ETNK1: variants seen among roughly 807,000 people sequenced by gnomAD.
The protein encoded by ETNK1 is ethanolamine kinase 1.
A neutral mutation model predicts 45.1 loss-of-function variants in ETNK1; 8 were observed. The ratio of observed to expected loss-of-function variants is 0.18; its 90% CI spans 0.10 to 0.32. The LOEUF (loss-of-function observed/expected upper bound fraction) is 0.32. ETNK1 is among the 10% of genes least tolerant of loss of function. ETNK1 has a pLI of 1.00. For synonymous variants in ETNK1, 152 were observed against 151.9 expected (o/e 1.00, Z -0.01); for missense variants, 302 against 430.6 (o/e 0.70, Z 2.64).
At chr12:22,642,318 A>G (rs539819022) in intron 1 of ETNK1, among the ~76,000 whole-genome samples, 1 of 152,220 alleles carries the variant, frequency 6.6e-6, no homozygotes, top group African/African-American at 2.4e-5. Context: ...ATGTTTTTCA[A>G]TGCAGATTTT....
chr12:22,630,904 C>T (rs1953571293), intron 1 of ETNK1, among the ~76,000 whole-genome samples: 1 of 152,016 alleles, frequency 6.6e-6, no homozygotes, highest in Non-Finnish European at 1.5e-5. Context: ...AGCCACCGCA[C>T]CTGGCCTGGA....
intron 6 of ETNK1, chr12:22,682,288 A>C (rs1179075078): frequency 2.0e-6 from 1 of 498,458 alleles, no homozygotes; most frequent in Non-Finnish European, 4.0e-6. Flanking sequence ...TAGGGTGAAA[A>C]CTTGAATTTT....
Position 22,690,285 on chromosome 12 carries a change from G to A in ETNK1, c.*5331G>A, listed in dbSNP as rs1197541507. 1 of 152,450 alleles carries A rather than the reference G, an allele frequency of 6.6e-6. No individual in the cohort carries two copies. Among genetic ancestry groups the A allele is most frequent in the East Asian group, 1.9e-4 (1 of 5,190 alleles). 9.4% of individuals were successfully genotyped at this position (152,450 alleles called of 1,614,324 possible). On this transcript the variant is annotated 3_prime_UTR_variant, in exon 8 of 8. Coordinates refer to ENST00000266517, the MANE Select transcript of ETNK1 (RefSeq NM_018638.5). ...TATGCCTCAGAAAATATCTGTCTGA[G>A]AATTTGTTAATCTGTTTGATAATGA...
chr12:22,625,750 T>A, intron 1 of ETNK1, 164 bp downstream of exon 1: 2 of 1,024,298 alleles, frequency 2.0e-6, no homozygotes, highest in South Asian at 2.7e-5. Flanking sequence ...CCTAGGAGGG[T>A]CACTCCCCCT....
intron 6 of ETNK1, among the ~76,000 whole-genome samples, chr12:22,679,534 T>C (rs1183736858): frequency 6.6e-6 from 1 of 152,022 alleles, no homozygotes; most frequent in Non-Finnish European, 1.5e-5. Flanking sequence ...CCAGAAACAA[T>C]ACTTTCCTAG....
chr12:22,682,715 G>A (rs1022411950), intron 6 of ETNK1, among the ~76,000 whole-genome samples: 9 of 151,782 alleles, frequency 5.9e-5, no homozygotes, highest in Admixed American at 5.9e-4. Flanking sequence ...ACACTAGTGT[G>A]ATTTGCTACC....
intron 1 of ETNK1, among the ~76,000 whole-genome samples, chr12:22,636,649 A>G (rs1379476824): frequency 2.0e-5 from 3 of 152,186 alleles, no homozygotes; most frequent in Admixed American, 6.5e-5. Context: ...CCATGGATTC[A>G]AGCAACTGCA....
At chr12:22,673,246 C>T (rs1431368841) in intron 5 of ETNK1, among the ~76,000 whole-genome samples, 2 of 152,152 alleles carry the variant, frequency 1.3e-5, no homozygotes, top group Non-Finnish European at 2.9e-5. Flanking sequence ...CTGGTTCAAG[C>T]TATAAACTTT....
chr12:22,638,051 C>T (rs890959965), intron 1 of ETNK1, among the ~76,000 whole-genome samples: 4 of 148,396 alleles, frequency 2.7e-5, no homozygotes, highest in African/African-American at 7.4e-5. Flanking sequence ...ATAAAAATTA[C>T]AAAAAAAAAG....
chr12:22,634,275 T>G (rs1271078469), intron 1 of ETNK1, among the ~76,000 whole-genome samples: 3 of 152,150 alleles, frequency 2.0e-5, no homozygotes, highest in Non-Finnish European at 1.5e-5. Flanking sequence ...TAAGTAACCT[T>G]TGCATTCCTG....
intron 3 of ETNK1, among the ~76,000 whole-genome samples, chr12:22,659,765 A>T (rs1288298445): frequency 6.6e-6 from 1 of 152,116 alleles, no homozygotes; most frequent in Non-Finnish European, 1.5e-5. Context: ...TTGTTATTCA[A>T]AGAAGGTTAT....
chr12:22,641,877 C>T (rs1953743060), intron 1 of ETNK1, among the ~76,000 whole-genome samples: 1 of 152,134 alleles, frequency 6.6e-6, no homozygotes, highest in African/African-American at 2.4e-5. Flanking sequence ...GGAGTTGTGA[C>T]ACTGTGTCTT....
At chr12:22,684,257 G>C (rs188065275) in intron 6 of ETNK1, among the ~76,000 whole-genome samples, 1 of 152,118 alleles carries the variant, frequency 6.6e-6, no homozygotes, top group East Asian at 1.9e-4. Flanking sequence ...TATTTTTCAA[G>C]TGATTATAAT....
At chr12:22,683,539 C>T (rs1018242510) in intron 6 of ETNK1, among the ~76,000 whole-genome samples, 3 of 151,898 alleles carry the variant, frequency 2.0e-5, no homozygotes, top group Non-Finnish European at 4.4e-5. Context: ...ATTCCCATCT[C>T]GTAAATGATA....
intron 1 of ETNK1, among the ~76,000 whole-genome samples, chr12:22,626,603 C>T (rs1458282253): frequency 6.6e-6 from 1 of 152,104 alleles, no homozygotes; most frequent in Non-Finnish European, 1.5e-5. Flanking sequence ...GCCAGCCACC[C>T]ACACAAAGAT....
At chr12:22,651,590 A>G (rs261914) in intron 2 of ETNK1, among the ~76,000 whole-genome samples, 145,698 of 152,086 alleles carry the variant, frequency 0.96, 69,871 homozygotes, top group East Asian at 1. Flanking sequence ...TTTTTAAAAA[A>G]TACAGCTCAA....
intron 2 of ETNK1, among the ~76,000 whole-genome samples, chr12:22,652,083 C>T (rs778295224): frequency 1.3e-5 from 2 of 152,134 alleles, no homozygotes; most frequent in African/African-American, 4.8e-5. Flanking sequence ...TACTTAGGTA[C>T]ATCATGTTAG....
At chr12:22,644,348 G>T (rs751937820) in intron 2 of ETNK1, 31 of 1,492,056 alleles carry the variant, frequency 2.1e-5, no homozygotes, top group Non-Finnish European at 2.7e-5. Flanking sequence ...ACTGCCGATT[G>T]CTTATTACTT....
chr12:22,673,496 A>G lies in ETNK1; in HGVS notation c.785-4A>G, dbSNP rs1460963193. On this transcript the variant is annotated splice_region_variant and splice_polypyrimidine_tract_variant and intron_variant, in intron 5 of 7. Transcript: ENST00000266517. The stretch of plus-strand genomic sequence containing the variant: ...TTTTGAGTGTAGTTTTTTTTCTTCT[A>G]AAGGTGTGAGTGATGTAGACTATAG... 6.4e-7 allele frequency: 1 copy of G among 1,569,750 alleles called. No homozygotes were observed. The highest frequency in any genetic ancestry group is 1.2e-5 in the South Asian group (1 of 82,358).
Sources: gnomAD v4.1 joint callset for allele counts (sites outside exome capture counted in the v4.1 genomes callset) on GRCh38, gnomAD v4.1.1 for gene constraint, MANE v1.5 for transcripts, NCBI Gene and HGNC (gene_info 2026-07-23, HGNC 2026-07-21) for gene names.